The following KCNH8 variants were observed in gnomAD, a reference collection of about 807,000 sequenced individuals.
KCNH8 encodes potassium voltage-gated channel subfamily H member 8.
In KCNH8, 70 loss-of-function variants were observed where a neutral mutation model predicts 103.6. The ratio of observed to expected loss-of-function variants is 0.68; its 90% CI spans 0.56 to 0.82. The LOEUF (loss-of-function observed/expected upper bound fraction) is 0.82, where lower values mean the gene tolerates loss of function less well. Ranked by LOEUF, KCNH8 falls within the 40% of genes least tolerant of loss-of-function variation. KCNH8 has a pLI of 0.00. For synonymous variants in KCNH8, 498 were observed against 489.4 expected (o/e 1.02, Z -0.23); for missense variants, 1,217 against 1,329.9 (o/e 0.92, Z 1.32).
chr3:19,459,575 C>T (rs564989772), intron 11 of KCNH8, among the ~76,000 whole-genome samples: 2 of 151,860 alleles, frequency 1.3e-5, no homozygotes, highest in African/African-American at 4.8e-5. Context: ...GTTGATTGTT[C>T]CTTTTCTGTG....
At chr3:19,377,350 T>A (rs777097592) in intron 5 of KCNH8, among the ~76,000 whole-genome samples, 9 of 152,164 alleles carry the variant, frequency 5.9e-5, no homozygotes, top group Admixed American at 1.3e-4. Context: ...TTTGTGCACA[T>A]TTGTTGGAGA....
chr3:19,478,594 T>C (rs1316139007), intron 11 of KCNH8, among the ~76,000 whole-genome samples: 1 of 152,130 alleles, frequency 6.6e-6, no homozygotes, highest in Non-Finnish European at 1.5e-5. Flanking sequence ...GTTTCTATAC[T>C]GCATTTCTCT....
rs902002771 is a variant in KCNH8 at position 19,313,448 on chromosome 3, T to A, written c.443-29139T>A. On this transcript the variant is annotated intron_variant, in intron 3 of 15. Coordinates refer to ENST00000328405, the MANE Select transcript of KCNH8 (RefSeq NM_144633.3). ...TGGAATATAACATTTCTAAGGCTTATTTTACTGTAAGGATCTAAAATTCTA... is the reference window on the plus strand; with the variant it reads ...TGGAATATAACATTTCTAAGGCTTAATTTACTGTAAGGATCTAAAATTCTA... 5.9e-5 allele frequency among the ~76,000 whole-genome samples: 9 copies of A among 152,016 alleles called. No individual in the cohort carries two copies. In the South Asian group the frequency reaches 6.2e-4, roughly 10 times the overall value.
chr3:19,326,848 G>A (rs570490310), intron 3 of KCNH8, among the ~76,000 whole-genome samples: 4 of 152,296 alleles, frequency 2.6e-5, no homozygotes, highest in African/African-American at 7.2e-5. Context: ...GGTTAGCTAC[G>A]TGGTTCTTAT....
chr3:19,510,423 A>G (rs376460555), intron 12 of KCNH8, 22 bp downstream of exon 12: 44 of 1,439,634 alleles, frequency 3.1e-5, no homozygotes, highest in Non-Finnish European at 4.1e-5. Context: ...GCTACACAGC[A>G]AAATATTTAT....
chr3:19,448,588 T>C (rs1046682698), intron 8 of KCNH8, among the ~76,000 whole-genome samples: 1 of 152,032 alleles, frequency 6.6e-6, no homozygotes, highest in African/African-American at 2.4e-5. Context: ...AAGATTTGAA[T>C]TGGGGAGGTC....
intron 3 of KCNH8, among the ~76,000 whole-genome samples, chr3:19,330,677 C>T (rs2065492984): frequency 6.6e-6 from 1 of 152,088 alleles, no homozygotes; most frequent in Non-Finnish European, 1.5e-5. Flanking sequence ...TATTCTTAAC[C>T]ACTAATAGGG....
intron 5 of KCNH8, among the ~76,000 whole-genome samples, chr3:19,381,761 T>C (rs958663966): frequency 6.6e-6 from 1 of 152,110 alleles, no homozygotes; most frequent in Non-Finnish European, 1.5e-5. Context: ...AACATGAAAT[T>C]TCATACACTG....
intron 13 of KCNH8, among the ~76,000 whole-genome samples, chr3:19,514,612 C>G (rs550559766): frequency 6.6e-6 from 1 of 150,400 alleles, no homozygotes; most frequent in Non-Finnish European, 1.5e-5. Flanking sequence ...AAATTTTCTA[C>G]AATAGACTTT....
intron 5 of KCNH8, among the ~76,000 whole-genome samples, chr3:19,363,760 A>G (rs2065975915): frequency 6.6e-6 from 1 of 152,132 alleles, no homozygotes; most frequent in Non-Finnish European, 1.5e-5. Context: ...TAAATACACA[A>G]ACATCAGTGG....
rs763439148 is a variant in KCNH8 at position 19,533,650 on chromosome 3, T to C, written c.2875T>C (p.Trp959Arg). The change falls in exon 16 of 16, where the codon TGG becomes CGG. Residue 959 changes from tryptophan (W) to arginine (R), a missense_variant. Transcript: ENST00000328405. ...TAGCAGTAATATCACCTCAGACATT[T>C]GGAGTGTGGATCCCTCCTCTGTGGG... Reference protein sequence around the residue: ...LCSSNITSDIWSVDPSSVGSS... With the variant: ...LCSSNITSDIRSVDPSSVGSS... 6.2e-7 allele frequency: 1 copy of C among 1,614,086 alleles called. No homozygotes were observed. Among genetic ancestry groups the C allele is most frequent in the Non-Finnish European group, 8.5e-7 (1 of 1,180,034 alleles).
At chr3:19,315,507 A>G (rs900811746) in intron 3 of KCNH8, among the ~76,000 whole-genome samples, 19 of 151,980 alleles carry the variant, frequency 1.3e-4, no homozygotes, top group Non-Finnish European at 2.2e-4. Context: ...ACTTCCTGCT[A>G]CCCAACACAT....
At chr3:19,400,160 C>G (rs1013746718) in intron 7 of KCNH8, among the ~76,000 whole-genome samples, 1 of 148,770 alleles carries the variant, frequency 6.7e-6, no homozygotes, top group African/African-American at 2.5e-5. Flanking sequence ...GAAAGTGGAG[C>G]CCTGTGTCTC....
Position 19,395,151 on chromosome 3 carries a change from G to A in KCNH8, c.1017G>A (p.Leu339=). 1 of 1,611,238 alleles carries A rather than the reference G, an allele frequency of 6.2e-7. No homozygotes were observed. Among genetic ancestry groups the A allele is most frequent in the Non-Finnish European group, 8.5e-7 (1 of 1,178,660 alleles). The change falls in exon 7 of 16, where the codon TTG becomes TTA. Residue 339 remains leucine (L), a synonymous_variant. Coordinates refer to ENST00000328405, the MANE Select transcript of KCNH8 (RefSeq NM_144633.3). The part of the protein sequence containing the change: ...LLKTVRLLRL[L]RLLQKLDRYS... Reference sequence around the variant, plus strand: ...AGACAGTGCGCCTCTTGCGTCTTTTGCGTCTGCTGCAGAAGTTAGACCGCT... The same window carrying A: ...AGACAGTGCGCCTCTTGCGTCTTTTACGTCTGCTGCAGAAGTTAGACCGCT...
At chr3:19,271,893 A>G (rs2064593656) in intron 2 of KCNH8, among the ~76,000 whole-genome samples, 1 of 152,156 alleles carries the variant, frequency 6.6e-6, no homozygotes, top group Non-Finnish European at 1.5e-5. Flanking sequence ...TTTTGTATTT[A>G]GTGTTCTTTG....
At chr3:19,360,225 C>A (rs1219771728) in intron 5 of KCNH8, among the ~76,000 whole-genome samples, 2 of 151,964 alleles carry the variant, frequency 1.3e-5, no homozygotes, top group Non-Finnish European at 2.9e-5. Flanking sequence ...CAGACATGTG[C>A]AAAAGGTTTG....
chr3:19,359,843 C>T (rs1334374064), intron 5 of KCNH8, among the ~76,000 whole-genome samples: 1 of 151,784 alleles, frequency 6.6e-6, no homozygotes, highest in Non-Finnish European at 1.5e-5. Flanking sequence ...CTTAGGTTGT[C>T]TTTGGAGATT....
chr3:19,189,961 A>G (rs1187071233), intron 1 of KCNH8, among the ~76,000 whole-genome samples: 1 of 152,014 alleles, frequency 6.6e-6, no homozygotes, highest in East Asian at 1.9e-4. Flanking sequence ...ACTTCTTATG[A>G]GTTGATACAT....
chr3:19,496,473 C>A (rs892779521), intron 11 of KCNH8, among the ~76,000 whole-genome samples: 21 of 151,980 alleles, frequency 1.4e-4, no homozygotes, highest in Non-Finnish European at 4.4e-5. Context: ...TATTTCAGTT[C>A]TCTTTACGTG....
Sources: gnomAD v4.1 joint callset for allele counts (sites outside exome capture counted in the v4.1 genomes callset) on GRCh38, gnomAD v4.1.1 for gene constraint, MANE v1.5 for transcripts, NCBI Gene and HGNC (gene_info 2026-07-23, HGNC 2026-07-21) for gene names.